The following PAK3 variants were observed in gnomAD, a reference collection of about 807,000 sequenced individuals.
PAK3 encodes the protein p21 (RAC1) activated kinase 3.
Under a neutral mutation model 41.0 loss-of-function variants are expected in PAK3, and 4 were observed. That is an observed-to-expected ratio of 0.10 (90% CI 0.05 to 0.22). The LOEUF (loss-of-function observed/expected upper bound fraction) is 0.22, where lower values mean the gene tolerates loss of function less well. PAK3 is among the 10% of genes least tolerant of loss of function. PAK3 has a pLI of 1.00. For synonymous variants in PAK3, 146 were observed against 139.6 expected (o/e 1.05, Z -0.32); for missense variants, 205 against 409.9 (o/e 0.50, Z 4.32).
At chrX:111,209,402 T>C (rs1249363258) in intron 16 of PAK3, among the ~76,000 whole-genome samples, 1 of 112,422 alleles carries the variant, frequency 8.9e-6, no homozygotes, top group African/African-American at 3.2e-5. Flanking sequence ...CACAAGCTAA[T>C]AGTATCATTC....
intron 1 of PAK3, among the ~76,000 whole-genome samples, chrX:110,964,866 ACTGACTGGCTGG>A (rs1307857826): frequency 9.0e-6 from 1 of 110,734 alleles, no homozygotes; most frequent in Non-Finnish European, 1.9e-5. Context: ...TGGCTGACTG[ACTGACTGGCTGG>A]CTTGCTGGCT....
intron 11 of PAK3, among the ~76,000 whole-genome samples, chrX:111,177,500 T>C (rs1200752067): frequency 9.0e-6 from 1 of 111,544 alleles, no homozygotes; most frequent in Non-Finnish European, 1.9e-5. Context: ...TATAATTGGC[T>C]ACCAAATCCA....
chrX:110,989,780 T>C (rs984588874), intron 1 of PAK3, among the ~76,000 whole-genome samples: 3 of 111,666 alleles, frequency 2.7e-5, no homozygotes, highest in African/African-American at 9.8e-5. Flanking sequence ...TCTGTCATAG[T>C]CACCATGCTG....
At chrX:110,979,594 T>C (rs1195810807) in intron 1 of PAK3, among the ~76,000 whole-genome samples, 1 of 112,180 alleles carries the variant, frequency 8.9e-6, no homozygotes, top group Non-Finnish European at 1.9e-5. Context: ...GCACCCAGCC[T>C]ACTTTTCTCT....
chrX:111,057,114 A>G (rs752951297), intron 1 of PAK3, among the ~76,000 whole-genome samples: 15 of 111,794 alleles, frequency 1.3e-4, no homozygotes, highest in African/African-American at 4.2e-4. Flanking sequence ...CGAATCTGCA[A>G]GAAAAAAACA....
At chrX:111,079,001 G>A (rs2092810780) in intron 1 of PAK3, among the ~76,000 whole-genome samples, 1 of 111,979 alleles carries the variant, frequency 8.9e-6, no homozygotes, top group African/African-American at 3.2e-5. Flanking sequence ...GGCTGAGAGA[G>A]GTTAGTAAAG....
intron 16 of PAK3, among the ~76,000 whole-genome samples, chrX:111,211,347 G>T (rs2094817056): frequency 9.0e-6 from 1 of 110,994 alleles, no homozygotes; most frequent in South Asian, 3.8e-4. Context: ...AACCTTGCTT[G>T]GAAGCACAAA....
Position 111,222,693 on chromosome X carries a change from A to G in PAK3, c.*2246A>G, listed in dbSNP as rs2094934196. On this transcript the variant is annotated 3_prime_UTR_variant, in exon 18 of 18. Coordinates refer to ENST00000372007, the MANE Select transcript of PAK3 (RefSeq NM_002578.5). ...ATTAGTGACTGTGTCCTGCCAGTGG[A>G]GAGAGCCCAATACCTGGTTAGGAAG... 9.0e-6 allele frequency: 1 copy of G among 111,636 alleles called. No individual in the cohort carries two copies. Among genetic ancestry groups the G allele is most frequent in the African/African-American group, 3.3e-5 (1 of 30,688 alleles). 9.2% of individuals were successfully genotyped at this position (111,636 alleles called of 1,213,427 possible). A position where few individuals can be genotyped will look rare whatever the true frequency, so the allele number is the denominator to read the frequency against.
intron 4 of PAK3, among the ~76,000 whole-genome samples, chrX:111,110,563 A>C (rs2093352422): frequency 8.9e-6 from 1 of 111,771 alleles, no homozygotes; most frequent in Non-Finnish European, 1.9e-5. Flanking sequence ...AGTGAAACAA[A>C]TGTGACATCA....
At chrX:110,980,324 G>A (rs1460661000) in intron 1 of PAK3, among the ~76,000 whole-genome samples, 2 of 111,665 alleles carry the variant, frequency 1.8e-5, no homozygotes, top group Non-Finnish European at 3.8e-5. Context: ...GGGTCATTTG[G>A]GTGGTCATAG....
chrX:111,207,256 AC>A (rs2094764138), intron 16 of PAK3, among the ~76,000 whole-genome samples: 1 of 109,707 alleles, frequency 9.1e-6, no homozygotes, highest in Non-Finnish European at 1.9e-5. Flanking sequence ...ATATATATAC[AC>A]ACACACACAG....
At chrX:111,151,726 C>G (rs1316859003) in intron 7 of PAK3, among the ~76,000 whole-genome samples, 1 of 111,718 alleles carries the variant, frequency 9.0e-6, no homozygotes, top group Non-Finnish European at 1.9e-5. Context: ...ACAACAATAA[C>G]CAATAATAAA....
intron 11 of PAK3, among the ~76,000 whole-genome samples, chrX:111,185,161 T>C (rs1341278926): frequency 8.9e-6 from 1 of 112,534 alleles, no homozygotes; most frequent in Non-Finnish European, 1.9e-5. Flanking sequence ...TGATGAGCTT[T>C]TTTTAGTATG....
intron 4 of PAK3, among the ~76,000 whole-genome samples, chrX:111,114,311 A>G (rs1171446583): frequency 8.9e-6 from 1 of 112,025 alleles, no homozygotes; most frequent in Non-Finnish European, 1.9e-5. Context: ...TACACCCATC[A>G]CTTAGTATGA....
intron 1 of PAK3, among the ~76,000 whole-genome samples, chrX:111,065,653 A>G (rs1448637168): frequency 9.0e-6 from 1 of 111,685 alleles, no homozygotes; most frequent in East Asian, 2.8e-4. Context: ...TTCTTTGGCT[A>G]TCTGGTGGAA....
At chrX:110,959,292 AT>A (rs2090929866) in intron 1 of PAK3, among the ~76,000 whole-genome samples, 1 of 111,978 alleles carries the variant, frequency 8.9e-6, no homozygotes, top group African/African-American at 3.2e-5. Flanking sequence ...AGACATCTTA[AT>A]TCCCCATAAT....
intron 16 of PAK3, among the ~76,000 whole-genome samples, chrX:111,214,513 C>G (rs1484316024): frequency 8.9e-6 from 1 of 111,849 alleles, no homozygotes; most frequent in Admixed American, 9.5e-5. Flanking sequence ...ACTAGTTGTT[C>G]TTAAAGTGTT....
intron 17 of PAK3, among the ~76,000 whole-genome samples, chrX:111,219,223 T>G (rs998547059): frequency 1.0e-5 from 1 of 98,474 alleles, no homozygotes; most frequent in South Asian, 4.3e-4. Flanking sequence ...ATAATAATAA[T>G]AATAATAATA....
At chrX:111,195,971 G>A in intron 15 of PAK3, 30 bp downstream of exon 15, 1 of 774,145 alleles carries the variant, frequency 1.3e-6, no homozygotes, top group South Asian at 2.1e-5. Flanking sequence ...TGGTATTAGA[G>A]TATCAGGGAA....
Sources: gnomAD v4.1 joint callset for allele counts (sites outside exome capture counted in the v4.1 genomes callset) on GRCh38, gnomAD v4.1.1 for gene constraint, MANE v1.5 for transcripts, NCBI Gene and HGNC (gene_info 2026-07-23, HGNC 2026-07-21) for gene names.